ADGRD1: variants seen among roughly 807,000 people sequenced by gnomAD.
ADGRD1 encodes the protein G-protein coupled receptor 133.
A neutral mutation model predicts 113.4 loss-of-function variants in ADGRD1; 77 were observed. The ratio of observed to expected loss-of-function variants is 0.68; its 90% CI spans 0.57 to 0.82. The LOEUF is 0.82. ADGRD1 is among the 40% of genes least tolerant of loss of function. The probability of loss-of-function intolerance (pLI) is 0.00; values close to 1 mark genes in which losing one functional copy is unlikely to be tolerated. For missense variants in ADGRD1, 1,036 were observed against 1,139.1 expected, an observed-to-expected ratio of 0.91 and a Z score of 1.30; for synonymous variants, 474 against 475.0, an observed-to-expected ratio of 1.00 and a Z score of 0.03.
intron 5 of ADGRD1, 55 bp from the exon 6 acceptor site, chr12:130,987,040 G>A: frequency 1.3e-6 from 2 of 1,536,638 alleles, no homozygotes; most frequent in Non-Finnish European, 1.8e-6. Flanking sequence ...AAAAACCTGT[G>A]CATGGGGAGC....
intron 12 of ADGRD1, among the ~76,000 whole-genome samples, chr12:131,008,445 C>T (rs372708811): frequency 2.0e-5 from 3 of 152,220 alleles, no homozygotes; most frequent in African/African-American, 7.2e-5. Context: ...CCTTTAATTT[C>T]TTCTCCAGGG....
At chr12:131,024,921 T>C (rs1211607) in intron 13 of ADGRD1, among the ~76,000 whole-genome samples, 143,898 of 152,288 alleles carry the variant, frequency 0.94, 68,473 homozygotes, top group East Asian at 1. Flanking sequence ...GCCTGCTGGC[T>C]GTGGCCCGAG....
intron 3 of ADGRD1, chr12:130,970,784 C>A (rs756380517): frequency 1.3e-5 from 2 of 152,354 alleles, no homozygotes; most frequent in Non-Finnish European, 2.9e-5. Flanking sequence ...GGGCAGTGCC[C>A]CTCGGGATTT....
chr12:131,080,926 T>C (rs1271192004), intron 14 of ADGRD1, among the ~76,000 whole-genome samples: 1 of 152,236 alleles, frequency 6.6e-6, no homozygotes, highest in East Asian at 1.9e-4. Flanking sequence ...GGCCTAGTTT[T>C]ATGAATTTTT....
At chr12:131,017,150 G>A (rs1287163713) in intron 13 of ADGRD1, among the ~76,000 whole-genome samples, 1 of 152,076 alleles carries the variant, frequency 6.6e-6, no homozygotes, top group African/African-American at 2.4e-5. Context: ...AGGGCTGCAG[G>A]AGAGCCACAC....
intron 13 of ADGRD1, chr12:131,035,100 C>G (rs1881229217): frequency 6.5e-6 from 1 of 153,104 alleles, no homozygotes; most frequent in Non-Finnish European, 1.5e-5. Context: ...TCTTGAACCT[C>G]TCTCCTCCTC....
chr12:131,135,090 T>C (rs760795150), intron 21 of ADGRD1, among the ~76,000 whole-genome samples: 11 of 152,210 alleles, frequency 7.2e-5, no homozygotes, highest in Admixed American at 2.0e-4. Context: ...GAAGTCAGGA[T>C]GGACTGGGCT....
Position 131,027,954 on chromosome 12 carries a change from G to A in ADGRD1, c.1473+13614G>A, listed in dbSNP as rs1256977447. ...AGCTGCCGGATGTTCTAGTGAGCGC[G>A]TTTCTGCTGGTGAACCTGACTGTGC... On this transcript the variant is annotated intron_variant, in intron 13 of 24. Coordinates refer to ENST00000261654, the MANE Select transcript of ADGRD1 (RefSeq NM_198827.5). The surrounding 1 kb of genome is among the most constrained non-coding windows in gnomAD (Gnocchi z 5.1). The A allele has an allele frequency of 6.6e-6, 1 of 152,226 alleles. No homozygotes were observed. The highest frequency in any genetic ancestry group is 2.1e-4 in the South Asian group (1 of 4,830). The allele number at this position is 152,226 out of a possible 1,614,324, so 9.4% of individuals were successfully genotyped here.
At chr12:131,081,542 A>G (rs1305487551) in intron 14 of ADGRD1, among the ~76,000 whole-genome samples, 2 of 152,212 alleles carry the variant, frequency 1.3e-5, no homozygotes, top group Non-Finnish European at 2.9e-5. Flanking sequence ...CATTCCAAAT[A>G]TATTCTAAGA....
intron 6 of ADGRD1, chr12:130,988,486 C>G (rs188506910): frequency 3.7e-4 from 57 of 152,352 alleles, no homozygotes; most frequent in African/African-American, 1.3e-3. Context: ...CCGCTTCTGA[C>G]GTTGAGTCCC....
rs896210391 is a variant in ADGRD1, at chr12:131,137,629, C to T, written c.2437-508C>T. The T allele has an allele frequency of 6.6e-5, 14 of 213,062 alleles. No homozygotes were observed. The East Asian group carries it at 1.2e-3, about 18-fold the overall frequency. 13.2% of individuals were successfully genotyped at this position (213,062 alleles called of 1,614,324 possible). On this transcript the variant is annotated intron_variant, in intron 23 of 24. Transcript: ENST00000261654. Reference sequence around the variant, plus strand: ...CCCGGTCCATCTCAGTGGCGGTGTCCGTTTGCAAGGACAGGCCAGGTGGGC... The same window carrying T: ...CCCGGTCCATCTCAGTGGCGGTGTCTGTTTGCAAGGACAGGCCAGGTGGGC...
Position 130,987,522 on chromosome 12 carries a change from T to C in ADGRD1, c.745+173T>C, listed in dbSNP as rs923092303. The C allele has an allele frequency of 1.1e-5, 7 of 648,470 alleles. No individual in the cohort carries two copies. In the Middle Eastern group the frequency reaches 1.3e-3, roughly 117 times the overall value. The allele number at this position is 648,470 out of a possible 1,614,324, so 40.2% of individuals were successfully genotyped here. A position where few individuals can be genotyped will look rare whatever the true frequency, so the allele number is the denominator to read the frequency against. On this transcript the variant is annotated intron_variant, in intron 6 of 24. Transcript: ENST00000261654. ...GTGTTAGAACACCTGTTCCCTGAGA[T>C]AGAGGAGTTAATAATTTACTAGAGA...
chr12:131,022,179 A>G lies in ADGRD1; in HGVS notation c.1473+7839A>G, dbSNP rs1879401983. ...GTGGGGAGCAATTCGGCTCCAGCAT[A>G]GCAAATATGGGATGTGAATGCTCAT... On this transcript the variant is annotated intron_variant, in intron 13 of 24. Transcript: ENST00000261654. The surrounding 1 kb of genome is among the most constrained non-coding windows in gnomAD (Gnocchi z 4.6). 6.6e-6 allele frequency among the ~76,000 whole-genome samples: 1 copy of G among 152,126 alleles called. No homozygotes were observed. The highest frequency in any genetic ancestry group is 2.1e-4 in the South Asian group (1 of 4,814).
chr12:130,985,646 G>A (rs1873568458), intron 5 of ADGRD1, among the ~76,000 whole-genome samples: 1 of 152,044 alleles, frequency 6.6e-6, no homozygotes. Flanking sequence ...CACCTCCCGG[G>A]TTCAAGCAAT....
chr12:131,062,519 G>A (rs536990344), intron 13 of ADGRD1, among the ~76,000 whole-genome samples: 1 of 152,120 alleles, frequency 6.6e-6, no homozygotes, highest in South Asian at 2.1e-4. Context: ...CATATCAAAG[G>A]GGGGGCCAGA....
chr12:130,987,395 G>C lies in ADGRD1; in HGVS notation c.745+46G>C, dbSNP rs761251069. ...GGGGCAGATCCGCTGTCTGTTCCCA[G>C]GGTCACCCTGGTATCGGCCTCCTTT... On this transcript the variant is annotated intron_variant, in intron 6 of 24. Coordinates refer to ENST00000261654, the MANE Select transcript of ADGRD1 (RefSeq NM_198827.5). 2.5e-6 allele frequency: 4 copies of C among 1,607,954 alleles called. No individual in the cohort carries two copies. In the Admixed American group the frequency reaches 6.7e-5, roughly 27 times the overall value.
chr12:130,958,204 T>C (rs1439325470), intron 2 of ADGRD1, among the ~76,000 whole-genome samples: 2 of 53,506 alleles, frequency 3.7e-5, no homozygotes, highest in Admixed American at 2.8e-4. Flanking sequence ...TATCCAATCC[T>C]TTCTTTTTTT....
chr12:130,987,896 A>AG (rs35674136), intron 6 of ADGRD1: 14,760 of 164,036 alleles, frequency 0.09, 851 homozygotes, highest in Middle Eastern at 0.16. Context: ...ACAAGTCAGT[A>AG]CACTTGGCAC....
intron 18 of ADGRD1, among the ~76,000 whole-genome samples, chr12:131,109,278 A>T (rs1950299611): frequency 6.6e-6 from 1 of 151,752 alleles, no homozygotes; most frequent in South Asian, 2.1e-4. Context: ...AATCTTCATT[A>T]TTTCCTTTCT....
Sources: allele counts gnomAD v4.1 joint callset (sites outside exome capture counted in the v4.1 genomes callset), GRCh38; gene constraint gnomAD v4.1.1; non-coding constraint Gnocchi (gnomAD v3.1); transcripts MANE v1.5; gene names NCBI Gene and HGNC (gene_info 2026-07-23, HGNC 2026-07-21).